SEC61A1: variants seen among roughly 807,000 people sequenced by gnomAD.
SEC61A1 encodes the protein SEC61 translocon subunit alpha 1, also known as protein transport protein Sec61 subunit alpha isoform 1.
A neutral mutation model predicts 55.2 loss-of-function variants in SEC61A1; 15 were observed. That is an observed-to-expected ratio of 0.27 (90% CI 0.18 to 0.42). The LOEUF (loss-of-function observed/expected upper bound fraction) is 0.42. Ranked by LOEUF, SEC61A1 falls within the 10% of genes least tolerant of loss-of-function variation. SEC61A1 has a pLI of 1.00. For missense variants in SEC61A1, 284 were observed against 602.6 expected (o/e 0.47, Z 5.53); for synonymous variants, 247 against 234.0 (o/e 1.06, Z -0.51).
intron 11 of SEC61A1, among the ~76,000 whole-genome samples, chr3:128,068,281 TG>T (rs1443055170): frequency 6.6e-6 from 1 of 152,136 alleles, no homozygotes; most frequent in African/African-American, 2.4e-5. Context: ...AGGGAGCCAC[TG>T]GGTAAGGAGA....
chr3:128,052,182 T>C (rs1366251203), upstream of SEC61A1, among the ~76,000 whole-genome samples: 1 of 151,444 alleles, frequency 6.6e-6, no homozygotes, highest in Non-Finnish European at 1.5e-5. Context: ...TGACACACCC[T>C]CCCCGCGCGC....
Position 128,055,663 on chromosome 3 carries a change from C to G in SEC61A1, c.142-10C>G, listed in dbSNP as rs773669697. 30 of 1,613,872 alleles carry G rather than the reference C, an allele frequency of 1.9e-5. No individual in the cohort carries two copies. Among genetic ancestry groups the G allele is most frequent in the Non-Finnish European group, 2.5e-5 (30 of 1,179,768 alleles). ...GAGTGCTGACTGTTTTGCTCTTTGCCTGTTCCCAGATTCCCCTGTTTGGGA... is the reference window on the plus strand; with the variant it reads ...GAGTGCTGACTGTTTTGCTCTTTGCGTGTTCCCAGATTCCCCTGTTTGGGA... On this transcript the variant is annotated splice_polypyrimidine_tract_variant and intron_variant, in intron 3 of 11. Transcript: ENST00000243253.
chr3:128,060,463 G>A lies in SEC61A1; in HGVS notation c.463-45G>A, dbSNP rs2304018. 0.23 allele frequency: 375,403 copies of A among 1,597,712 alleles called. 45,579 individuals are homozygous for A. Among genetic ancestry groups the A allele is most frequent in the South Asian group, 0.27 (23,880 of 89,858 alleles). On this transcript the variant is annotated intron_variant, in intron 6 of 11. Coordinates refer to ENST00000243253, the MANE Select transcript of SEC61A1 (RefSeq NM_013336.4). The stretch of plus-strand genomic sequence containing the variant: ...ATTACTGAAGGACGGAACCATGTCC[G>A]TGGGGAGCAGTAACACATAGTCTTG...
chr3:128,067,600 C>G lies in SEC61A1; in HGVS notation c.1155C>G (p.Ser385=). Residue 385 remains serine, a synonymous_variant, in exon 10 of 12, where the codon TCC becomes TCG. Transcript: ENST00000243253. This position sits in a 1 kb window ranked among gnomAD's most constrained non-coding sequence, Gnocchi z 4.1. ...FSKTWIEVSG[S]SAKDVAKQLK... is the part of the protein sequence containing the mutation. ...AAACGTGGATTGAGGTCTCAGGTTC[C>G]TCTGCCAAAGATGTAAGTAGAAGCA... The G allele has an allele frequency of 6.2e-7, 1 of 1,611,296 alleles. No homozygotes were observed. Among genetic ancestry groups the G allele is most frequent in the Non-Finnish European group, 8.5e-7 (1 of 1,178,438 alleles).
At chr3:128,061,339 T>G (rs1346404385) in intron 7 of SEC61A1, among the ~76,000 whole-genome samples, 1 of 152,222 alleles carries the variant, frequency 6.6e-6, no homozygotes, top group Non-Finnish European at 1.5e-5. Flanking sequence ...GGAAATCTTG[T>G]AACAGCATGT....
At chr3:128,056,406 G>A (rs761797192) in intron 4 of SEC61A1, among the ~76,000 whole-genome samples, 1 of 151,996 alleles carries the variant, frequency 6.6e-6, no homozygotes, top group Non-Finnish European at 1.5e-5. Flanking sequence ...ATGAAGAGAC[G>A]AACATTTCTT....
chr3:128,051,841 G>A (rs1210374924), upstream of SEC61A1: 1 of 1,535,882 alleles, frequency 6.5e-7, no homozygotes, highest in South Asian at 1.2e-5. Context: ...TTCGTTCTCA[G>A]ATGGAAGGGG....
At chr3:128,051,653 AT>A (rs1941674708), upstream of SEC61A1, 1 of 1,412,366 alleles carries the variant, frequency 7.1e-7, no homozygotes, top group Non-Finnish European at 9.2e-7. Context: ...TCACACCGCC[AT>A]GCTTTGCCCA....
chr3:128,071,549 G>A lies in SEC61A1; in HGVS notation c.*1887G>A, dbSNP rs927897862. The A allele has an allele frequency of 1.3e-5, 2 of 152,694 alleles. No homozygotes were observed. Among genetic ancestry groups the A allele is most frequent in the Non-Finnish European group, 2.9e-5 (2 of 68,072 alleles). 9.5% of individuals were successfully genotyped at this position (152,694 alleles called of 1,614,324 possible). A position where few individuals can be genotyped will look rare whatever the true frequency, so the allele number is the denominator to read the frequency against. On this transcript the variant is annotated 3_prime_UTR_variant, in exon 12 of 12. Transcript: ENST00000243253. ...TGGGCCCTGCAAGGCCCACACTCAC[G>A]CCCTGTGGGTGATGGTCACGGTGGG...
chr3:128,059,278 C>G (rs1326979241), intron 5 of SEC61A1, among the ~76,000 whole-genome samples: 1 of 152,066 alleles, frequency 6.6e-6, no homozygotes, highest in African/African-American at 2.4e-5. Context: ...TGGAGACCAT[C>G]CTGGCTAACA....
At chr3:128,059,254 A>C (rs1941819528) in intron 5 of SEC61A1, among the ~76,000 whole-genome samples, 1 of 152,154 alleles carries the variant, frequency 6.6e-6, no homozygotes, top group Non-Finnish European at 1.5e-5. Flanking sequence ...TGGGTGGATC[A>C]CGAGGTCAGG....
At position 128,067,271 on chromosome 3, in the gene SEC61A1, T is replaced by G. The variant is rs1248729877; in HGVS notation, c.975+120T>G. On this transcript the variant is annotated intron_variant, in intron 9 of 11. Coordinates refer to ENST00000243253, the MANE Select transcript of SEC61A1 (RefSeq NM_013336.4). This position sits in a 1 kb window ranked among gnomAD's most constrained non-coding sequence, Gnocchi z 4.1. ...TATTTTCCATTGTGCCTTTTACAAA[T>G]TCAGCACATTAAATTATCTTTTCAG... The G allele has an allele frequency of 1.7e-5, 22 of 1,298,472 alleles. No homozygotes were observed. In the South Asian group the frequency reaches 1.8e-4, roughly 10 times the overall value. The allele number at this position is 1,298,472 out of a possible 1,614,324, so 80.4% of individuals were successfully genotyped here.
At chr3:128,056,386 T>C (rs1186503897) in intron 4 of SEC61A1, among the ~76,000 whole-genome samples, 1 of 152,220 alleles carries the variant, frequency 6.6e-6, no homozygotes, top group Non-Finnish European at 1.5e-5. Flanking sequence ...TATCCTTTTT[T>C]TATTAACTGA....
In SEC61A1 at chr3:128,065,046, A is replaced by C; in HGVS notation, c.777+9A>C. ...TGGTCATCTATTTCCAGGTGTGTCC[A>C]GATCCAACCCCAGGGAGTTTCCATG... is the stretch of plus-strand genomic sequence containing the variant. On this transcript the variant is annotated intron_variant, in intron 8 of 11. Coordinates refer to ENST00000243253, the MANE Select transcript of SEC61A1 (RefSeq NM_013336.4). 1 of 1,614,128 alleles carries C rather than the reference A, an allele frequency of 6.2e-7. No individual in the cohort carries two copies. Among genetic ancestry groups the C allele is most frequent in the African/African-American group, 1.3e-5 (1 of 75,056 alleles).
Position 128,070,273 on chromosome 3 carries a change from C to CTGTGGATTTGT in SEC61A1, c.*611_*612insTGTGGATTTGT. The CTGTGGATTTGT allele has an allele frequency of 6.6e-6, 1 of 152,396 alleles. No individual in the cohort carries two copies. The highest frequency in any genetic ancestry group is 1.5e-5 in the Non-Finnish European group (1 of 68,084). 9.4% of individuals were successfully genotyped at this position (152,396 alleles called of 1,614,324 possible). A position where few individuals can be genotyped will look rare whatever the true frequency, so the allele number is the denominator to read the frequency against. ...AGGGATGGCTTTCCCAGAAGACACT[C>CTGTGGATTTGT]CTGGCCATCTGTGGATTTGTCTGTG... On this transcript the variant is annotated 3_prime_UTR_variant, in exon 12 of 12. Transcript: ENST00000243253.
chr3:128,068,463 G>A (rs72974051), intron 11 of SEC61A1, among the ~76,000 whole-genome samples: 141 of 152,334 alleles, frequency 9.3e-4, no homozygotes, highest in African/African-American at 3.1e-3. Flanking sequence ...GCATCTGAGC[G>A]CATTTTGGGG....
Position 128,067,112 on chromosome 3 carries a change from C to T in SEC61A1, c.936C>T (p.Phe312=). 1 of 1,614,238 alleles carries T rather than the reference C, an allele frequency of 6.2e-7. No individual in the cohort carries two copies. The highest frequency in any genetic ancestry group is 8.5e-7 in the Non-Finnish European group (1 of 1,180,050). The change falls in exon 9 of 12, where the codon TTC becomes TTT. Residue 312 remains phenylalanine, a synonymous_variant. Transcript: ENST00000243253. This position sits in a 1 kb window ranked among gnomAD's most constrained non-coding sequence, Gnocchi z 4.1. ...YVISQMLSAR[F]SGNLLVSLLG... ...TCTCCCAAATGCTCTCAGCTCGCTT[C>T]AGTGGCAACTTGCTGGTCAGCCTGC...
At position 128,070,752 on chromosome 3, in the gene SEC61A1, T is replaced by TG. The variant is rs1302812903; in HGVS notation, c.*1091dup. 6.6e-6 allele frequency: 1 copy of TG among 152,302 alleles called. No homozygotes were observed. Among genetic ancestry groups the TG allele is most frequent in the Non-Finnish European group, 1.5e-5 (1 of 68,194 alleles). The allele number at this position is 152,302 out of a possible 1,614,324, so 9.4% of individuals were successfully genotyped here. A position where few individuals can be genotyped will look rare whatever the true frequency, so the allele number is the denominator to read the frequency against. ...CGGGGTGCATGGGCTGTGGTGGTGT[T>TG]GATCAGTTGCTCCAGTGTTTGAAAT... On this transcript the variant is annotated 3_prime_UTR_variant, in exon 12 of 12. Coordinates refer to ENST00000243253, the MANE Select transcript of SEC61A1 (RefSeq NM_013336.4).
In SEC61A1 at chr3:128,063,211, T is replaced by C. The variant is rs187344286; in HGVS notation, c.617-1666T>C. ...GTTAGGCACAAGGGAATGGACACATTTGACAAGTTCCACAGTACTAGATGG... is the reference window on the plus strand; with the variant it reads ...GTTAGGCACAAGGGAATGGACACATCTGACAAGTTCCACAGTACTAGATGG... On this transcript the variant is annotated intron_variant, in intron 7 of 11. Coordinates refer to ENST00000243253, the MANE Select transcript of SEC61A1 (RefSeq NM_013336.4). Among the ~76,000 whole-genome samples, 45 of 152,318 alleles carry C rather than the reference T, an allele frequency of 3.0e-4. No individual in the cohort carries two copies. The East Asian group carries it at 8.7e-3, about 29-fold the overall frequency.
Sources: allele counts gnomAD v4.1 joint callset (sites outside exome capture counted in the v4.1 genomes callset), GRCh38; gene constraint gnomAD v4.1.1; non-coding constraint Gnocchi (gnomAD v3.1); transcripts MANE v1.5; gene names NCBI Gene and HGNC (gene_info 2026-07-23, HGNC 2026-07-21).